SMYD3: variants seen among roughly 807,000 people sequenced by gnomAD.
SMYD3 encodes histone-lysine N-methyltransferase SMYD3.
SMYD3 carries 36 observed loss-of-function variants against 57.7 expected under a neutral mutation model. The ratio of observed to expected loss-of-function variants is 0.62; its 90% confidence interval spans 0.48 to 0.82. The LOEUF (loss-of-function observed/expected upper bound fraction) is 0.82, where lower values mean the gene tolerates loss of function less well. SMYD3 is among the 40% of genes least tolerant of loss of function. The pLI, the probability that SMYD3 is intolerant of heterozygous loss-of-function variation, is 0.00. For missense variants in SMYD3, 515 were observed against 538.8 expected (o/e 0.96, Z 0.44); for synonymous variants, 211 against 195.0 (o/e 1.08, Z -0.68).
intron 10 of SMYD3, among the ~76,000 whole-genome samples, chr1:245,798,621 T>A (rs1036256236): frequency 6.6e-6 from 1 of 151,896 alleles, no homozygotes; most frequent in Admixed American, 6.5e-5. Flanking sequence ...GATGCCCAGA[T>A]GTGTTTTCTC....
At chr1:246,442,441 C>T (rs1016630143) in intron 1 of SMYD3, among the ~76,000 whole-genome samples, 8 of 151,834 alleles carry the variant, frequency 5.3e-5, no homozygotes, top group South Asian at 4.2e-4. Flanking sequence ...CCCAGCTACT[C>T]GGGAGGCTGA....
chr1:246,140,448 G>A (rs1271189088), intron 5 of SMYD3, among the ~76,000 whole-genome samples: 1 of 152,194 alleles, frequency 6.6e-6, no homozygotes, highest in South Asian at 2.1e-4. Context: ...AGCACCAGTA[G>A]TATTAGTACC....
chr1:246,224,891 A>G (rs2063305829), intron 5 of SMYD3, among the ~76,000 whole-genome samples: 1 of 152,076 alleles, frequency 6.6e-6, no homozygotes, highest in Non-Finnish European at 1.5e-5. Flanking sequence ...ACAGAAGCAG[A>G]AAAAGGAAGG....
intron 5 of SMYD3, among the ~76,000 whole-genome samples, chr1:246,036,549 T>TTTTG (rs1553273693): frequency 1.6e-4 from 19 of 115,280 alleles, no homozygotes; most frequent in African/African-American, 5.6e-4. Flanking sequence ...CTTTTTTTTT[T>TTTTG]TTTTGTTTTG....
At chr1:245,956,505 G>C (rs1276524610) in intron 5 of SMYD3, among the ~76,000 whole-genome samples, 1 of 152,228 alleles carries the variant, frequency 6.6e-6, no homozygotes, top group Admixed American at 6.5e-5. Flanking sequence ...GAGGCAGGCA[G>C]AGCATTATTT....
chr1:245,825,076 G>A (rs2049407535), intron 10 of SMYD3, among the ~76,000 whole-genome samples: 1 of 152,038 alleles, frequency 6.6e-6, no homozygotes, highest in East Asian at 1.9e-4. Flanking sequence ...AACTCGCCAA[G>A]AGCTCAGCAG....
rs1053726418 is a variant in SMYD3 at position 246,507,142 on chromosome 1, G to A, written c.76C>T (p.Pro26Ser). Reference protein sequence around the residue: ...NGLRAVTPLRPGELLFRSDPL... With the variant: ...NGLRAVTPLRSGELLFRSDPL... ...TCCGAGCGGAAGAGTAGCTCTCCGG[G>A]GCGCAGCGGGGTCACGGCGCGCAGC... Residue 26 changes from proline to serine, a missense_variant, in exon 1 of 12, where the codon CCC becomes TCC. Transcript: ENST00000490107. The A allele has an allele frequency of 1.5e-5, 23 of 1,533,776 alleles. No homozygotes were observed. Among genetic ancestry groups the A allele is most frequent in the African/African-American group, 5.7e-5 (4 of 70,386 alleles).
At chr1:245,766,551 C>T (rs2046112424) in intron 10 of SMYD3, among the ~76,000 whole-genome samples, 1 of 152,068 alleles carries the variant, frequency 6.6e-6, no homozygotes, top group Admixed American at 6.5e-5. Context: ...ACATCATTAT[C>T]TATTTGTGTA....
At chr1:246,496,541 G>A (rs938021010) in intron 1 of SMYD3, among the ~76,000 whole-genome samples, 14 of 152,170 alleles carry the variant, frequency 9.2e-5, no homozygotes, top group African/African-American at 3.4e-4. Flanking sequence ...TTAAAAATCA[G>A]TATTGGCCAG....
intron 10 of SMYD3, among the ~76,000 whole-genome samples, chr1:245,820,340 C>T (rs2049092941): frequency 6.6e-6 from 1 of 150,454 alleles, no homozygotes; most frequent in African/African-American, 2.4e-5. Flanking sequence ...TGACAAAATT[C>T]AACAACCCTT....
chr1:246,185,720 A>G (rs535599083), intron 5 of SMYD3, among the ~76,000 whole-genome samples: 3 of 152,258 alleles, frequency 2.0e-5, no homozygotes, highest in East Asian at 3.9e-4. Context: ...TCGGCCTCCC[A>G]AAGTGCTGGG....
intron 5 of SMYD3, among the ~76,000 whole-genome samples, chr1:246,059,156 G>A (rs1391791548): frequency 6.6e-6 from 1 of 152,156 alleles, no homozygotes; most frequent in African/African-American, 2.4e-5. Context: ...GATTAAAGGC[G>A]TGAGCCACCG....
rs373594348 is a variant in SMYD3, at chr1:246,504,634, T to C, written c.164+2420A>G. Reference sequence around the variant, plus strand: ...TTTGATTTTTCCTTTCCCATGTAACTGTTAATTGCTACAAACTAACATTTT... The same window carrying C: ...TTTGATTTTTCCTTTCCCATGTAACCGTTAATTGCTACAAACTAACATTTT... On this transcript the variant is annotated intron_variant, in intron 1 of 11. Transcript: ENST00000490107. 3.3e-4 allele frequency among the ~76,000 whole-genome samples: 51 copies of C among 152,348 alleles called. 1 individual carries two copies. The South Asian group carries it at 8.7e-3, about 26-fold the overall frequency.
chr1:246,179,571 A>C (rs2062498238), intron 5 of SMYD3, among the ~76,000 whole-genome samples: 1 of 152,208 alleles, frequency 6.6e-6, no homozygotes. Flanking sequence ...CGGATTCACT[A>C]GATCCCTTTT....
At chr1:246,229,662 G>A (rs2063381929) in intron 5 of SMYD3, among the ~76,000 whole-genome samples, 1 of 152,138 alleles carries the variant, frequency 6.6e-6, no homozygotes, top group African/African-American at 2.4e-5. Flanking sequence ...GCGTCATCTC[G>A]TGACAGAAGG....
At chr1:246,505,538 C>T (rs1320665854) in intron 1 of SMYD3, among the ~76,000 whole-genome samples, 2 of 148,224 alleles carry the variant, frequency 1.3e-5, no homozygotes, top group African/African-American at 5.1e-5. Flanking sequence ...CAGATCCCAG[C>T]CCCAGCTACT....
chr1:246,480,104 T>C (rs1381825572), intron 1 of SMYD3, among the ~76,000 whole-genome samples: 1 of 152,202 alleles, frequency 6.6e-6, no homozygotes, highest in Non-Finnish European at 1.5e-5. Context: ...AACAGCTTCA[T>C]AGAGCTATAA....
intron 1 of SMYD3, among the ~76,000 whole-genome samples, chr1:246,421,950 A>G (rs1020419067): frequency 3.9e-5 from 6 of 152,186 alleles, no homozygotes; most frequent in African/African-American, 1.4e-4. Flanking sequence ...TAGACTGATG[A>G]GGGTGATCTT....
At chr1:246,319,861 G>T (rs2065218498) in intron 5 of SMYD3, among the ~76,000 whole-genome samples, 1 of 152,156 alleles carries the variant, frequency 6.6e-6, no homozygotes, top group Non-Finnish European at 1.5e-5. Context: ...ACCAGAGGAT[G>T]AAAAGGATAC....
Sources: gnomAD v4.1 joint callset for allele counts (sites outside exome capture counted in the v4.1 genomes callset) on GRCh38, gnomAD v4.1.1 for gene constraint, MANE v1.5 for transcripts, NCBI Gene and HGNC (gene_info 2026-07-23, HGNC 2026-07-21) for gene names.